Variants in MACROD2 observed in about 807,000 individuals in gnomAD.
MACROD2 encodes the protein ADP-ribose glycohydrolase MACROD2.
A neutral mutation model predicts 70.4 loss-of-function variants in MACROD2; 36 were observed. The observed-to-expected ratio is 0.51, with a 90% CI of 0.39 to 0.68. The LOEUF (loss-of-function observed/expected upper bound fraction) is 0.68, where lower values mean the gene tolerates loss of function less well. Among genes scored for constraint, MACROD2 ranks in the 30% least tolerant of loss-of-function variants. The probability of loss-of-function intolerance (pLI) is 0.00; values close to 1 mark genes in which losing one functional copy is unlikely to be tolerated. For missense variants in MACROD2, 496 were observed against 538.4 expected (o/e 0.92, Z 0.78); for synonymous variants, 172 against 178.8 (o/e 0.96, Z 0.30).
Position 15,924,683 on chromosome 20 carries a change from C to A in MACROD2, c.776-8593C>A, listed in dbSNP as rs182922120. 9.2e-5 allele frequency among the ~76,000 whole-genome samples: 14 copies of A among 152,168 alleles called. No homozygotes were observed. The East Asian group carries it at 2.7e-3, about 29-fold the overall frequency. ...CATCTTGAACGTTGTAGGTACTCAA[C>A]AAACATTAATTGATGACAAAGCTAT... On this transcript the variant is annotated intron_variant, in intron 10 of 17. Coordinates refer to ENST00000684519, the MANE Select transcript of MACROD2 (RefSeq NM_001351661.2).
At chr20:15,565,976 T>A (rs2048305029) in intron 8 of MACROD2, among the ~76,000 whole-genome samples, 1 of 152,140 alleles carries the variant, frequency 6.6e-6, no homozygotes, top group East Asian at 1.9e-4. Context: ...CTCATTTGCC[T>A]TATCTGTGAA....
chr20:14,753,742 A>G (rs2071904909), intron 5 of MACROD2, among the ~76,000 whole-genome samples: 1 of 152,096 alleles, frequency 6.6e-6, no homozygotes, highest in Non-Finnish European at 1.5e-5. Context: ...TAAAACAGAG[A>G]TTTTTGAGTT....
chr20:14,149,338 T>C (rs1164288498), intron 3 of MACROD2, among the ~76,000 whole-genome samples: 1 of 152,172 alleles, frequency 6.6e-6, no homozygotes, highest in African/African-American at 2.4e-5. Flanking sequence ...ATTTCATTCT[T>C]TTTTATGGAC....
intron 5 of MACROD2, among the ~76,000 whole-genome samples, chr20:15,038,208 G>T (rs2075328840): frequency 6.6e-6 from 1 of 152,096 alleles, no homozygotes; most frequent in Non-Finnish European, 1.5e-5. Context: ...TAATTCTTTG[G>T]TATGATCGAA....
At chr20:15,686,630 T>C (rs1719587100) in intron 8 of MACROD2, among the ~76,000 whole-genome samples, 1 of 152,128 alleles carries the variant, frequency 6.6e-6, no homozygotes. Context: ...CCCAGCACTT[T>C]GGGAGGCCAA....
At chr20:15,133,284 T>C (rs936234911) in intron 5 of MACROD2, among the ~76,000 whole-genome samples, 4 of 151,902 alleles carry the variant, frequency 2.6e-5, no homozygotes, top group African/African-American at 7.2e-5. Context: ...CTGGAGAAAA[T>C]TATTTGCATA....
At chr20:15,370,234 G>A (rs1159945436) in intron 6 of MACROD2, among the ~76,000 whole-genome samples, 1 of 152,062 alleles carries the variant, frequency 6.6e-6, no homozygotes, top group Non-Finnish European at 1.5e-5. Flanking sequence ...TCACTAGTGA[G>A]TTCTTATGGG....
intron 7 of MACROD2, among the ~76,000 whole-genome samples, chr20:15,447,110 C>T (rs572737472): frequency 5.4e-4 from 81 of 150,594 alleles, no homozygotes; most frequent in Admixed American, 2.6e-3. Context: ...TAGGAAGTAT[C>T]CCAGTGCAGT....
At chr20:16,026,980 C>G (rs2067089615) in intron 15 of MACROD2, among the ~76,000 whole-genome samples, 3 of 152,116 alleles carry the variant, frequency 2.0e-5, no homozygotes, top group Admixed American at 2.0e-4. Context: ...GAGTAATTAA[C>G]TCTCAGAAGG....
At chr20:14,463,562 C>A (rs1422479197) in intron 3 of MACROD2, among the ~76,000 whole-genome samples, 3 of 152,008 alleles carry the variant, frequency 2.0e-5, no homozygotes, top group Non-Finnish European at 4.4e-5. Context: ...ACCAGAACTT[C>A]CAACACTATG....
chr20:15,230,074 A>T lies in MACROD2; in HGVS notation c.540+13A>T, dbSNP rs768626609. On this transcript the variant is annotated intron_variant, in intron 6 of 17. Transcript: ENST00000684519. ...CATCCGATCAGTTGTAAGTAATTTT[A>T]TGTTTTTTATTTCTCACTCTTTTTC... 1.9e-6 allele frequency: 3 copies of T among 1,609,958 alleles called. No individual in the cohort carries two copies. The highest frequency in any genetic ancestry group is 1.7e-6 in the Non-Finnish European group (2 of 1,177,740).
At chr20:14,168,540 A>G (rs2148722510) in intron 3 of MACROD2, among the ~76,000 whole-genome samples, 1 of 152,340 alleles carries the variant, frequency 6.6e-6, no homozygotes, top group South Asian at 2.1e-4. Context: ...CATTTGTTAC[A>G]ATATTGAACC....
intron 5 of MACROD2, among the ~76,000 whole-genome samples, chr20:14,770,070 T>C (rs1200701715): frequency 1.3e-5 from 2 of 151,974 alleles, no homozygotes; most frequent in African/African-American, 4.8e-5. Flanking sequence ...GAATATGTGA[T>C]CTAATTTTGG....
chr20:15,579,750 C>A lies in MACROD2; in HGVS notation c.645+79903C>A, dbSNP rs555510313. On this transcript the variant is annotated intron_variant, in intron 8 of 17. Transcript: ENST00000684519. ...AAGTCACCTAGTGTAGAGATTTTAA[C>A]AATTAAAAACTAGTTTAAGCAGATG... Among the ~76,000 whole-genome samples, 14 of 152,238 alleles carry A rather than the reference C, an allele frequency of 9.2e-5. No homozygotes were observed. The South Asian group carries it at 2.7e-3, about 29-fold the overall frequency.
intron 3 of MACROD2, among the ~76,000 whole-genome samples, chr20:14,484,970 A>C (rs181708501): frequency 6.6e-6 from 1 of 151,690 alleles, no homozygotes; most frequent in African/African-American, 2.4e-5. Flanking sequence ...TGTGATTGCT[A>C]TCTTTTGGGT....
intron 6 of MACROD2, among the ~76,000 whole-genome samples, chr20:15,392,584 C>T (rs2045807972): frequency 6.6e-6 from 1 of 152,088 alleles, no homozygotes; most frequent in Non-Finnish European, 1.5e-5. Context: ...TCTTTACCAA[C>T]AGGAAGATTC....
At chr20:14,484,049 C>G (rs549500920) in intron 3 of MACROD2, among the ~76,000 whole-genome samples, 3 of 152,218 alleles carry the variant, frequency 2.0e-5, no homozygotes, top group Middle Eastern at 3.4e-3. Context: ...CAGAAGCACC[C>G]CATTGAACTG....
intron 3 of MACROD2, among the ~76,000 whole-genome samples, chr20:14,169,322 T>G (rs1408114102): frequency 6.6e-6 from 1 of 151,628 alleles, no homozygotes; most frequent in Non-Finnish European, 1.5e-5. Context: ...GGGGGGGCGG[T>G]GGACAGAGTT....
chr20:15,623,600 G>C (rs1411184773), intron 8 of MACROD2, among the ~76,000 whole-genome samples: 1 of 152,126 alleles, frequency 6.6e-6, no homozygotes, highest in African/African-American at 2.4e-5. Flanking sequence ...GACGCTATGG[G>C]CTTTGCCATT....
Sources: allele counts gnomAD v4.1 joint callset (sites outside exome capture counted in the v4.1 genomes callset), GRCh38; gene constraint gnomAD v4.1.1; transcripts MANE v1.5; gene names NCBI Gene and HGNC (gene_info 2026-07-23, HGNC 2026-07-21).